The following PRKD1 variants were observed in gnomAD, a reference collection of about 807,000 sequenced individuals.
The protein encoded by PRKD1 is serine/threonine-protein kinase D1.
In PRKD1, 63 loss-of-function variants were observed where a neutral mutation model predicts 95.9. The ratio of observed to expected loss-of-function variants is 0.66; its 90% CI spans 0.54 to 0.81. The LOEUF is 0.81. Among genes scored for constraint, PRKD1 ranks in the 30% least tolerant of loss-of-function variants. The pLI is 0.00. For synonymous variants in PRKD1, 425 were observed against 423.1 expected (o/e 1.00, Z -0.05); for missense variants, 1,048 against 1,165.3 (o/e 0.90, Z 1.47).
At chr14:29,662,438 G>A (rs971350981) in intron 4 of PRKD1, among the ~76,000 whole-genome samples, 2 of 152,180 alleles carry the variant, frequency 1.3e-5, no homozygotes, top group East Asian at 3.9e-4. Flanking sequence ...AATAATATAT[G>A]ATCATGCATA....
chr14:29,586,603 G>A (rs969946828), intron 16 of PRKD1, among the ~76,000 whole-genome samples: 1 of 152,126 alleles, frequency 6.6e-6, no homozygotes, highest in Non-Finnish European at 1.5e-5. Flanking sequence ...TGTGTACTTT[G>A]TAATGAGGGA....
intron 4 of PRKD1, among the ~76,000 whole-genome samples, chr14:29,641,439 G>A (rs1189170890): frequency 1.3e-5 from 2 of 152,132 alleles, no homozygotes; most frequent in African/African-American, 4.8e-5. Context: ...CAGGGTGCAT[G>A]CATAGTAACG....
intron 2 of PRKD1, among the ~76,000 whole-genome samples, chr14:29,681,551 G>A (rs959953849): frequency 6.6e-6 from 1 of 152,116 alleles, no homozygotes; most frequent in African/African-American, 2.4e-5. Context: ...AAGAATGTCT[G>A]CATGGGACCA....
At chr14:29,896,766 T>G (rs989891014) in intron 1 of PRKD1, among the ~76,000 whole-genome samples, 1 of 150,814 alleles carries the variant, frequency 6.6e-6, no homozygotes, top group African/African-American at 2.4e-5. Flanking sequence ...CCTCCTTGCC[T>G]TCTGTCACCA....
chr14:29,626,011 C>T (rs1879593855), intron 12 of PRKD1, among the ~76,000 whole-genome samples: 1 of 151,916 alleles, frequency 6.6e-6, no homozygotes, highest in African/African-American at 2.4e-5. Context: ...TAGGTAAAGA[C>T]TTGATATTTC....
At chr14:29,606,494 A>T (rs572690617) in intron 13 of PRKD1, among the ~76,000 whole-genome samples, 1 of 152,182 alleles carries the variant, frequency 6.6e-6, no homozygotes, top group South Asian at 2.1e-4. Flanking sequence ...AGATTTCAAC[A>T]TCTTTGATAG....
Position 29,634,413 on chromosome 14 carries a change from C to T in PRKD1, c.1314+5G>A, listed in dbSNP as rs1255567391. On this transcript the variant is annotated splice_donor_5th_base_variant and intron_variant, in intron 8 of 17. Coordinates refer to ENST00000331968, the MANE Select transcript of PRKD1 (RefSeq NM_002742.3). The stretch of plus-strand genomic sequence containing the variant: ...CAAGAGAACATTGTTCCCTGTGGAT[C>T]TTACCAGCGTGTCCTTGCTGGTGTA... 1 of 1,613,896 alleles carries T rather than the reference C, an allele frequency of 6.2e-7. No individual in the cohort carries two copies. The highest frequency in any genetic ancestry group is 2.2e-5 in the East Asian group (1 of 44,884).
At chr14:29,663,096 A>G (rs1382426201) in intron 4 of PRKD1, among the ~76,000 whole-genome samples, 1 of 145,538 alleles carries the variant, frequency 6.9e-6, no homozygotes, top group East Asian at 2.0e-4. Flanking sequence ...ATACTATATA[A>G]TATATATAAT....
chr14:29,800,677 AG>A, intron 1 of PRKD1, among the ~76,000 whole-genome samples: 1 of 152,336 alleles, frequency 6.6e-6, no homozygotes, highest in East Asian at 1.9e-4. Context: ...GTCAAATCAC[AG>A]GAAAAAAAAT....
At chr14:29,822,123 T>A (rs1890937278) in intron 1 of PRKD1, among the ~76,000 whole-genome samples, 1 of 152,178 alleles carries the variant, frequency 6.6e-6, no homozygotes, top group Non-Finnish European at 1.5e-5. Context: ...ATCTTCAATG[T>A]TTTTGGCCTC....
intron 2 of PRKD1, among the ~76,000 whole-genome samples, chr14:29,680,140 G>A (rs1400151151): frequency 6.6e-6 from 1 of 152,150 alleles, no homozygotes; most frequent in Non-Finnish European, 1.5e-5. Flanking sequence ...CAATAACATA[G>A]TCGGAAGTCT....
chr14:29,620,512 G>A (rs28800826), intron 13 of PRKD1, among the ~76,000 whole-genome samples: 61,692 of 140,444 alleles, frequency 0.44, 16,067 homozygotes, highest in East Asian at 0.66. Context: ...AAAAGTGGGC[G>A]AAGGACATGA....
chr14:29,822,466 G>C (rs1890951677), intron 1 of PRKD1, among the ~76,000 whole-genome samples: 1 of 152,122 alleles, frequency 6.6e-6, no homozygotes, highest in South Asian at 2.1e-4. Flanking sequence ...TGTTTGTCTA[G>C]CATGTTAACA....
At chr14:29,618,225 A>G (rs990741063) in intron 13 of PRKD1, among the ~76,000 whole-genome samples, 1 of 151,992 alleles carries the variant, frequency 6.6e-6, no homozygotes, top group Non-Finnish European at 1.5e-5. Context: ...GGGATGATGG[A>G]AATTTTATGA....
intron 12 of PRKD1, 26 bp downstream of exon 12, chr14:29,626,458 T>C: frequency 1.3e-6 from 2 of 1,580,256 alleles, no homozygotes; most frequent in Non-Finnish European, 8.6e-7. Context: ...TTTAAGTTCA[T>C]AAAAATACTC....
chr14:29,857,725 G>A (rs556937142), intron 1 of PRKD1, among the ~76,000 whole-genome samples: 34 of 152,322 alleles, frequency 2.2e-4, no homozygotes, highest in Admixed American at 5.9e-4. Context: ...GAGTAAAGCA[G>A]GCTGCGGGGA....
intron 1 of PRKD1, among the ~76,000 whole-genome samples, chr14:29,894,450 G>A (rs1894048847): frequency 6.6e-6 from 1 of 152,216 alleles, no homozygotes; most frequent in African/African-American, 2.4e-5. Flanking sequence ...TTGGAGTACA[G>A]AGTAAAGAAA....
intron 1 of PRKD1, among the ~76,000 whole-genome samples, chr14:29,911,591 G>GAT (rs1157347033): frequency 6.6e-6 from 1 of 152,082 alleles, no homozygotes; most frequent in East Asian, 1.9e-4. Flanking sequence ...AAAAAAATAA[G>GAT]ATATCCACCA....
At chr14:29,673,195 T>C (rs1386257169) in intron 2 of PRKD1, among the ~76,000 whole-genome samples, 1 of 152,216 alleles carries the variant, frequency 6.6e-6, no homozygotes, top group Non-Finnish European at 1.5e-5. Context: ...TAAATTTATT[T>C]TTAAAAGCTT....
Sources: allele counts gnomAD v4.1 joint callset (sites outside exome capture counted in the v4.1 genomes callset), GRCh38; gene constraint gnomAD v4.1.1; transcripts MANE v1.5; gene names NCBI Gene and HGNC (gene_info 2026-07-23, HGNC 2026-07-21).